ANO6: variants seen among roughly 807,000 people sequenced by gnomAD.
The protein encoded by ANO6 is anoctamin 6.
Under a neutral mutation model 117.5 loss-of-function variants are expected in ANO6, and 106 were observed. That is an observed-to-expected ratio of 0.90 (90% CI 0.77 to 1.06). The LOEUF is 1.06. ANO6 is among the 50% of genes least tolerant of loss of function. ANO6 has a pLI of 0.00. For missense variants in ANO6, 955 were observed against 1,121.1 expected (o/e 0.85, Z 2.12); for synonymous variants, 367 against 385.1 (o/e 0.95, Z 0.55).
At chr12:45,216,486 G>A (rs1405203364) in intron 1 of ANO6, 95 bp downstream of exon 1, 6 of 1,402,284 alleles carry the variant, frequency 4.3e-6, no homozygotes, top group Non-Finnish European at 5.8e-6. Context: ...CTCCGCGGGG[G>A]AGGTTGGCCG....
chr12:45,283,406 G>GAT (rs1938805775), intron 1 of ANO6, among the ~76,000 whole-genome samples: 1 of 152,154 alleles, frequency 6.6e-6, no homozygotes, highest in Non-Finnish European at 1.5e-5. Context: ...GAAGGGATAT[G>GAT]CCACCTCTCC....
intron 8 of ANO6, among the ~76,000 whole-genome samples, chr12:45,365,175 T>C (rs897175171): frequency 9.2e-5 from 14 of 152,320 alleles, no homozygotes; most frequent in African/African-American, 3.4e-4. Flanking sequence ...TGTTTAACGC[T>C]CCAGCAGGTA....
At chr12:45,236,525 A>G (rs540474477) in intron 1 of ANO6, among the ~76,000 whole-genome samples, 22 of 152,290 alleles carry the variant, frequency 1.4e-4, no homozygotes, top group African/African-American at 4.8e-4. Flanking sequence ...GATGGTTTCC[A>G]GCTTCATCCA....
intron 9 of ANO6, among the ~76,000 whole-genome samples, chr12:45,374,956 C>T (rs1276867498): frequency 1.3e-5 from 2 of 151,556 alleles, no homozygotes; most frequent in African/African-American, 4.8e-5. Context: ...TAGAAAACCC[C>T]ATTGTCTCAG....
At chr12:45,321,171 T>G (rs1467122180) in intron 2 of ANO6, among the ~76,000 whole-genome samples, 1 of 152,202 alleles carries the variant, frequency 6.6e-6, no homozygotes, top group Non-Finnish European at 1.5e-5. Context: ...GATGATTCAG[T>G]CTTACATAGA....
At chr12:45,247,258 C>A (rs539654832) in intron 1 of ANO6, among the ~76,000 whole-genome samples, 1 of 152,230 alleles carries the variant, frequency 6.6e-6, no homozygotes, top group African/African-American at 2.4e-5. Flanking sequence ...AAATTCATCA[C>A]TTCAGAATTT....
chr12:45,375,679 C>T (rs1331394630), intron 9 of ANO6, among the ~76,000 whole-genome samples: 8 of 151,102 alleles, frequency 5.3e-5, no homozygotes, highest in Non-Finnish European at 1.2e-4. Context: ...TGGATCCCTT[C>T]CTTACACCTT....
chr12:45,245,945 C>T (rs1358745466), intron 1 of ANO6, among the ~76,000 whole-genome samples: 1 of 100,764 alleles, frequency 9.9e-6, no homozygotes, highest in Non-Finnish European at 2.3e-5. Flanking sequence ...ACATTTTAGT[C>T]AAAAAAAAAA....
chr12:45,240,940 C>T (rs1418408751), intron 1 of ANO6, among the ~76,000 whole-genome samples: 1 of 152,168 alleles, frequency 6.6e-6, no homozygotes, highest in East Asian at 1.9e-4. Flanking sequence ...GATGGGCTTC[C>T]CTTTGTGGGT....
In ANO6 at chr12:45,431,534, G is replaced by GA. The variant is rs1391571757; in HGVS notation, c.*2223_*2224insA. 127 of 979,940 alleles carry GA rather than the reference G, an allele frequency of 1.3e-4. No individual in the cohort carries two copies. Among genetic ancestry groups the GA allele is most frequent in the South Asian group, 3.8e-4 (8 of 21,146 alleles). 60.7% of individuals were successfully genotyped at this position (979,940 alleles called of 1,614,324 possible). A position where few individuals can be genotyped will look rare whatever the true frequency, so the allele number is the denominator to read the frequency against. On this transcript the variant is annotated 3_prime_UTR_variant, in exon 20 of 20. Transcript: ENST00000320560. ...TAAATGTGCTGCTGTGGACAGGAGG[G>GA]GAAAAAAAACCCTCTACATATTGAA...
At chr12:45,389,341 T>C (rs887827378) in intron 11 of ANO6, among the ~76,000 whole-genome samples, 1 of 152,204 alleles carries the variant, frequency 6.6e-6, no homozygotes, top group Non-Finnish European at 1.5e-5. Flanking sequence ...AAAGCATATG[T>C]TGTTGAAAGA....
At chr12:45,284,289 A>G (rs932676031) in intron 1 of ANO6, among the ~76,000 whole-genome samples, 1 of 152,182 alleles carries the variant, frequency 6.6e-6, no homozygotes, top group Non-Finnish European at 1.5e-5. Flanking sequence ...TTTAACCTAC[A>G]GTCAAACAGT....
chr12:45,283,227 T>C (rs899914311), intron 1 of ANO6, among the ~76,000 whole-genome samples: 1 of 152,222 alleles, frequency 6.6e-6, no homozygotes, highest in Non-Finnish European at 1.5e-5. Context: ...ATACATTTCC[T>C]AAGGAGAGGC....
intron 2 of ANO6, among the ~76,000 whole-genome samples, chr12:45,315,752 T>C (rs368242472): frequency 6.6e-6 from 1 of 152,082 alleles, no homozygotes; most frequent in East Asian, 1.9e-4. Context: ...TCTCTTCCAG[T>C]TCTCTGAATG....
intron 8 of ANO6, among the ~76,000 whole-genome samples, chr12:45,359,671 G>A (rs564878793): frequency 8.5e-5 from 13 of 152,058 alleles, no homozygotes; most frequent in African/African-American, 2.7e-4. Flanking sequence ...TGTATAAACC[G>A]CATTGTTTAT....
chr12:45,400,283 G>A (rs1942748642), intron 12 of ANO6, among the ~76,000 whole-genome samples: 1 of 152,118 alleles, frequency 6.6e-6, no homozygotes, highest in African/African-American at 2.4e-5. Context: ...AAACATTATG[G>A]AGATAATTTT....
intron 2 of ANO6, among the ~76,000 whole-genome samples, chr12:45,311,557 A>G (rs1046475456): frequency 9.2e-5 from 14 of 152,124 alleles, no homozygotes; most frequent in Non-Finnish European, 1.5e-4. Context: ...AGGCAAGAAC[A>G]TGACAGCAAG....
chr12:45,276,504 C>CTT (rs58069079), intron 1 of ANO6, among the ~76,000 whole-genome samples: 3 of 151,852 alleles, frequency 2.0e-5, no homozygotes, highest in South Asian at 2.1e-4. Context: ...CTTGCATGCT[C>CTT]TTTTTTTTAG....
chr12:45,257,877 C>T (rs1259280469), intron 1 of ANO6, among the ~76,000 whole-genome samples: 1 of 152,126 alleles, frequency 6.6e-6, no homozygotes, highest in Non-Finnish European at 1.5e-5. Flanking sequence ...AAATGAAAGC[C>T]AGGAGTTTTA....
Sources: allele counts gnomAD v4.1 joint callset (sites outside exome capture counted in the v4.1 genomes callset), GRCh38; gene constraint gnomAD v4.1.1; transcripts MANE v1.5; gene names NCBI Gene and HGNC (gene_info 2026-07-23, HGNC 2026-07-21).